FBXL2: variants seen among roughly 807,000 people sequenced by gnomAD.
FBXL2 encodes F-box and leucine rich repeat protein 2.
In FBXL2, 38 loss-of-function variants were observed where a neutral mutation model predicts 69.2. The observed-to-expected ratio is 0.55, with a 90% CI of 0.42 to 0.72. The LOEUF is 0.72. FBXL2 is among the 30% of genes least tolerant of loss of function. The pLI, the probability that FBXL2 is intolerant of heterozygous loss-of-function variation, is 0.00. For missense variants in FBXL2, 354 were observed against 520.3 expected, an observed-to-expected ratio of 0.68 and a Z score of 3.11; for synonymous variants, 192 against 201.3, an observed-to-expected ratio of 0.95 and a Z score of 0.39.
At chr3:33,406,339 G>A (rs1052744356), downstream of FBXL2, among the ~76,000 whole-genome samples, 3 of 152,140 alleles carry the variant, frequency 2.0e-5, no homozygotes, top group Non-Finnish European at 4.4e-5. Context: ...ATGAACCCAA[G>A]ACCCTGTGAG....
Position 33,379,480 on chromosome 3 carries a change from G to A in FBXL2, c.951+739G>A, listed in dbSNP as rs1362317798. Among the ~76,000 whole-genome samples the A allele has an allele frequency of 3.3e-5, 5 of 150,050 alleles. No homozygotes were observed. The East Asian group carries it at 6.0e-4, about 18-fold the overall frequency. On this transcript the variant is annotated intron_variant, in intron 13 of 14. Coordinates refer to ENST00000484457, the MANE Select transcript of FBXL2 (RefSeq NM_012157.5). ...AGCTATTCTCCTGCCTCATCCTCCC[G>A]AGTAGCTGGGATTACAGGCGTGCAC...
chr3:33,363,660 A>G (rs1020039517), intron 4 of FBXL2, among the ~76,000 whole-genome samples: 1 of 152,194 alleles, frequency 6.6e-6, no homozygotes, highest in African/African-American at 2.4e-5. Context: ...TGCTACTGAC[A>G]TAAATCACAG....
chr3:33,342,654 A>G (rs2040120528), intron 2 of FBXL2, among the ~76,000 whole-genome samples: 1 of 149,442 alleles, frequency 6.7e-6, no homozygotes, highest in African/African-American at 2.5e-5. Flanking sequence ...CAAATGCAGA[A>G]TAAAATTATT....
At position 33,385,674 on chromosome 3, in the gene FBXL2, A is replaced by G; in HGVS notation, c.*66A>G. ...CCTCTAGAAGACCTGAGTCTTCCTG[A>G]CCGACTCCACCATCACCCAATCTGT... On this transcript the variant is annotated 3_prime_UTR_variant, in exon 15 of 15. Coordinates refer to ENST00000484457, the MANE Select transcript of FBXL2 (RefSeq NM_012157.5). 8.1e-7 allele frequency: 1 copy of G among 1,237,626 alleles called. No homozygotes were observed. The allele number at this position is 1,237,626 out of a possible 1,614,324, so 76.7% of individuals were successfully genotyped here. A position where few individuals can be genotyped will look rare whatever the true frequency, so the allele number is the denominator to read the frequency against.
At chr3:33,394,814 CTTGTTTTT>C (rs1420335872) in intron 12 of FBXL2, among the ~76,000 whole-genome samples, 30 of 122,100 alleles carry the variant, frequency 2.5e-4, no homozygotes, top group East Asian at 1.2e-3. Context: ...CTGCCCTCCA[CTTGTTTTT>C]TTTTTTTTTT....
intron 12 of FBXL2, among the ~76,000 whole-genome samples, chr3:33,398,742 G>A (rs1167169679): frequency 6.6e-6 from 1 of 152,186 alleles, no homozygotes; most frequent in African/African-American, 2.4e-5. Flanking sequence ...ATAGAAACAT[G>A]GATTTGCCTG....
At chr3:33,382,446 G>A (rs920341199) in intron 13 of FBXL2, 1 of 151,980 alleles carries the variant, frequency 6.6e-6, no homozygotes. Flanking sequence ...TATTAGTTTT[G>A]CCTCTTTGTA....
intron 13 of FBXL2, chr3:33,383,304 C>G (rs910990346): frequency 1.3e-5 from 2 of 152,440 alleles, no homozygotes; most frequent in African/African-American, 4.8e-5. Flanking sequence ...GTGAATCTTA[C>G]ATTTGATATG....
chr3:33,352,688 G>C (rs1331291415), intron 2 of FBXL2, among the ~76,000 whole-genome samples: 1 of 152,202 alleles, frequency 6.6e-6, no homozygotes, highest in African/African-American at 2.4e-5. Flanking sequence ...TTAAGGTCAG[G>C]AGTTCAAGAC....
At chr3:33,408,936 C>T in the FBXL2 span, 1 of 904,570 alleles carries the variant, frequency 1.1e-6, no homozygotes, top group South Asian at 1.6e-5. Context: ...TGCAAAACCC[C>T]AGCAGTGACA....
At chr3:33,380,420 T>C (rs1455613236) in intron 13 of FBXL2, among the ~76,000 whole-genome samples, 1 of 151,460 alleles carries the variant, frequency 6.6e-6, no homozygotes, top group African/African-American at 2.4e-5. Flanking sequence ...TAGCCAGGCA[T>C]GGTGGCACAT....
At chr3:33,334,495 G>A (rs1156661944) in intron 2 of FBXL2, among the ~76,000 whole-genome samples, 2 of 152,150 alleles carry the variant, frequency 1.3e-5, no homozygotes, top group African/African-American at 4.8e-5. Flanking sequence ...TATTCAAACT[G>A]ATGCACAAAG....
At chr3:33,372,909 C>A in intron 5 of FBXL2, 183 bp from the exon 6 acceptor site, 1 of 631,496 alleles carries the variant, frequency 1.6e-6, no homozygotes, top group Non-Finnish European at 2.8e-6. Context: ...CTTTGAACTG[C>A]AGACTGTCGA....
intron 13 of FBXL2, chr3:33,383,702 GCAAACC>G (rs976528646): frequency 5.3e-6 from 2 of 380,720 alleles, no homozygotes; most frequent in Non-Finnish European, 9.8e-6. Context: ...TCCCAGTGTA[GCAAACC>G]CATAACCAAA....
At chr3:33,301,062 G>A (rs1395999975) in intron 2 of FBXL2, among the ~76,000 whole-genome samples, 1 of 152,042 alleles carries the variant, frequency 6.6e-6, no homozygotes, top group Non-Finnish European at 1.5e-5. Context: ...GATTTCCTAA[G>A]CATCCATCTT....
chr3:33,331,856 T>C (rs1022704015), intron 2 of FBXL2, among the ~76,000 whole-genome samples: 3 of 152,104 alleles, frequency 2.0e-5, no homozygotes, highest in Non-Finnish European at 4.4e-5. Context: ...GAGGAATTTA[T>C]ACAAAATGTA....
At chr3:33,412,718 G>T in the FBXL2 span, 1 of 1,588,192 alleles carries the variant, frequency 6.3e-7, no homozygotes, top group Non-Finnish European at 8.6e-7. Flanking sequence ...ATCACTGCCT[G>T]TACCTAAATC....
chr3:33,334,060 C>T (rs748833271), intron 2 of FBXL2, among the ~76,000 whole-genome samples: 7 of 152,146 alleles, frequency 4.6e-5, no homozygotes, highest in East Asian at 1.9e-4. Context: ...CCTTAACTTC[C>T]GGACAGAGGG....
At chr3:33,363,380 A>T (rs1289081816) in intron 4 of FBXL2, among the ~76,000 whole-genome samples, 3 of 152,236 alleles carry the variant, frequency 2.0e-5, no homozygotes, top group Non-Finnish European at 4.4e-5. Flanking sequence ...CATCATGCTT[A>T]CAGTTCAGTG....
Sources: allele counts gnomAD v4.1 joint callset (sites outside exome capture counted in the v4.1 genomes callset), GRCh38; gene constraint gnomAD v4.1.1; transcripts MANE v1.5; gene names NCBI Gene and HGNC (gene_info 2026-07-23, HGNC 2026-07-21).